GARIN2: variants seen among roughly 807,000 people sequenced by gnomAD.
GARIN2 encodes the protein Golgi-associated RAB2 interactor protein 2.
the GARIN2 span, among the ~76,000 whole-genome samples, chr14:67,215,672 A>G: frequency 6.6e-6 from 1 of 152,176 alleles, no homozygotes; most frequent in East Asian, 1.9e-4. Flanking sequence ...ACAATAAGTG[A>G]GTATGACTTT....
At chr14:67,205,569 AAAC>A in the GARIN2 span, among the ~76,000 whole-genome samples, 1 of 152,366 alleles carries the variant, frequency 6.6e-6, no homozygotes, top group East Asian at 1.9e-4. Context: ...GGATAATAAA[AAAC>A]AAAACAAAGT....
the GARIN2 span, among the ~76,000 whole-genome samples, chr14:67,201,908 A>G: frequency 2.6e-5 from 4 of 152,108 alleles, no homozygotes. Flanking sequence ...ACCAAGTGGC[A>G]GAGATTTTAC....
At chr14:67,199,984 A>T in the GARIN2 span, 4 of 1,115,364 alleles carry the variant, frequency 3.6e-6, no homozygotes, top group Non-Finnish European at 3.8e-6. Context: ...GATGTCTCAG[A>T]TGCAGCTGGC....
chr14:67,193,339 TATCTATCTATATAGAGATATATA>T, the GARIN2 span, among the ~76,000 whole-genome samples: 3 of 135,626 alleles, frequency 2.2e-5, no homozygotes, highest in African/African-American at 2.6e-5. Flanking sequence ...TCTATATAGA[TATCTATCTATATAGAGATATATA>T]ATCTATCTAT....
At chr14:67,195,225 A>AAGTGTTAGGAGGAGTTAGCT in the GARIN2 span, among the ~76,000 whole-genome samples, 2 of 152,210 alleles carry the variant, frequency 1.3e-5, no homozygotes, top group East Asian at 3.8e-4. Flanking sequence ...TCCTCAGCTA[A>AAGTGTTAGGAGGAGTTAGCT]CCTCAACTTT....
At chr14:67,202,517 C>A in the GARIN2 span, among the ~76,000 whole-genome samples, 1 of 152,150 alleles carries the variant, frequency 6.6e-6, no homozygotes, top group Non-Finnish European at 1.5e-5. Context: ...ATATTCAAAA[C>A]TCATCATTCC....
the GARIN2 span, chr14:67,228,530 A>G: frequency 6.6e-6 from 1 of 152,592 alleles, no homozygotes. Flanking sequence ...GCAGAAATAA[A>G]GCCTATGACT....
At chr14:67,191,802 C>T in the GARIN2 span, among the ~76,000 whole-genome samples, 2 of 152,164 alleles carry the variant, frequency 1.3e-5, no homozygotes, top group Non-Finnish European at 2.9e-5. Flanking sequence ...GAAGAACTAG[C>T]GTTGGTTTCC....
chr14:67,214,741 A>C, the GARIN2 span, among the ~76,000 whole-genome samples: 3 of 152,108 alleles, frequency 2.0e-5, no homozygotes, highest in Non-Finnish European at 4.4e-5. Context: ...CATTGAATCT[A>C]TAAATTACCT....
At chr14:67,193,390 GATATATCTAGATATATATCT>G in the GARIN2 span, among the ~76,000 whole-genome samples, 1 of 132,916 alleles carries the variant, frequency 7.5e-6, no homozygotes, top group African/African-American at 2.8e-5. Context: ...GATATATCTA[GATATATCTAGATATATATCT>G]ATATATCTAT....
the GARIN2 span, chr14:67,208,103 G>T: frequency 6.6e-7 from 1 of 1,511,798 alleles, no homozygotes; most frequent in South Asian, 1.3e-5. Flanking sequence ...GCTCAGTGAC[G>T]ATGAATGAAA....
At chr14:67,190,293 G>A in the GARIN2 span, among the ~76,000 whole-genome samples, 3 of 147,280 alleles carry the variant, frequency 2.0e-5, no homozygotes, top group Non-Finnish European at 3.0e-5. Flanking sequence ...GCACGATCTC[G>A]ACCCACTGCA....
At chr14:67,222,561 C>A in the GARIN2 span, among the ~76,000 whole-genome samples, 1 of 152,158 alleles carries the variant, frequency 6.6e-6, no homozygotes, top group African/African-American at 2.4e-5. Flanking sequence ...TAGGAGTGAG[C>A]CACCACCCTG....
At chr14:67,210,244 C>T in the GARIN2 span, among the ~76,000 whole-genome samples, 6 of 152,086 alleles carry the variant, frequency 3.9e-5, no homozygotes, top group South Asian at 6.2e-4. Flanking sequence ...ATGTCGATTT[C>T]GTGAAACAAC....
chr14:67,211,340 A>T, the GARIN2 span, among the ~76,000 whole-genome samples: 1 of 152,204 alleles, frequency 6.6e-6, no homozygotes, highest in Non-Finnish European at 1.5e-5. Flanking sequence ...TTTGACTCAC[A>T]TTGAATACAG....
chr14:67,208,436 G>A, the GARIN2 span: 3 of 1,613,254 alleles, frequency 1.9e-6, no homozygotes, highest in Non-Finnish European at 8.5e-7. Flanking sequence ...AGCTCTCAAG[G>A]CTGAAGAATC....
the GARIN2 span, among the ~76,000 whole-genome samples, chr14:67,192,832 ATATATATATC>A: frequency 1.7e-3 from 235 of 140,988 alleles, no homozygotes; most frequent in African/African-American, 5.7e-3. Flanking sequence ...GTACAGATCT[ATATATATATC>A]TATATATAGA....
chr14:67,204,465 A>G, the GARIN2 span: 13 of 1,457,170 alleles, frequency 8.9e-6, no homozygotes, highest in African/African-American at 4.3e-5. Context: ...AAATATATAT[A>G]TATATAAGAA....
At chr14:67,199,827 G>T in the GARIN2 span, 4 of 1,502,656 alleles carry the variant, frequency 2.7e-6, no homozygotes, top group African/African-American at 1.4e-5. Context: ...CTCCCACCTG[G>T]GATACCCCCA....
Sources: allele counts gnomAD v4.1 joint callset (sites outside exome capture counted in the v4.1 genomes callset), GRCh38; gene constraint gnomAD v4.1.1; transcripts MANE v1.5; gene names NCBI Gene and HGNC (gene_info 2026-07-23, HGNC 2026-07-21).